Variants in GOLGA3 observed in about 807,000 individuals in gnomAD.
The protein encoded by GOLGA3 is golgin A3.
Under a neutral mutation model 169.4 loss-of-function variants are expected in GOLGA3, and 75 were observed. The ratio of observed to expected loss-of-function variants is 0.44; its 90% CI spans 0.37 to 0.54. The LOEUF (loss-of-function observed/expected upper bound fraction) is 0.54, where lower values mean the gene tolerates loss of function less well. Among genes scored for constraint, GOLGA3 ranks in the 20% least tolerant of loss-of-function variants. The probability of loss-of-function intolerance (pLI) is 0.00; values close to 1 mark genes in which losing one functional copy is unlikely to be tolerated. For synonymous variants in GOLGA3, 824 were observed against 822.4 expected, an observed-to-expected ratio of 1.00 and a Z score of -0.03; for missense variants, 1,899 against 1,930.0, an observed-to-expected ratio of 0.98 and a Z score of 0.30.
rs35522715 is a variant in GOLGA3, at chr12:132,777,388, AC to A, written c.3722+277del. Among the ~76,000 whole-genome samples, 55,632 of 151,730 alleles carry A rather than the reference AC, an allele frequency of 0.37. 10,993 individuals are homozygous for A. Among genetic ancestry groups the A allele is most frequent in the South Asian group, 0.59 (2,821 of 4,772 alleles). ...CACAGTGCATGGGACCCACAGAGCC[AC>A]AGCATCAGCCCCGCGCCGGGCCGCC... On this transcript the variant is annotated intron_variant, in intron 19 of 23. Transcript: ENST00000450791. This position sits in a 1 kb window ranked among gnomAD's most constrained non-coding sequence, Gnocchi z 4.7.
chr12:132,789,654 C>G (rs1401164231), intron 12 of GOLGA3, among the ~76,000 whole-genome samples: 2 of 100,824 alleles, frequency 2.0e-5, no homozygotes, highest in African/African-American at 6.5e-5. Context: ...CTCACGACAC[C>G]GCTTCAGGGG....
intron 5 of GOLGA3, among the ~76,000 whole-genome samples, chr12:132,807,552 G>A (rs1294009060): frequency 1.3e-5 from 2 of 152,174 alleles, no homozygotes; most frequent in African/African-American, 2.4e-5. Flanking sequence ...TATGTAAACG[G>A]GAGACTGGAT....
rs1300621638 is a variant in GOLGA3, at chr12:132,784,219, A to G, written c.3212T>C (p.Leu1071Pro). ...GGACTCCTCCAGCTCCTGGCTGGTC[A>G]GCGCTATGACCTCCTGCAGTTCCTT... ...LEKELQEVIA[L>P]TSQELEESRE... Residue 1071 changes from leucine to proline, a missense_variant, in exon 16 of 24, where the codon CTG becomes CCG. Physicochemically the swap from Leu to Pro is moderately conservative, Grantham distance 98. Coordinates refer to ENST00000450791, the MANE Select transcript of GOLGA3 (RefSeq NM_001389683.1). 1.2e-6 allele frequency: 2 copies of G among 1,610,554 alleles called. No homozygotes were observed. Among genetic ancestry groups the G allele is most frequent in the Non-Finnish European group, 1.7e-6 (2 of 1,179,674 alleles).
Position 132,795,880 on chromosome 12 carries a change from C to G in GOLGA3, c.2441G>C (p.Arg814Thr), listed in dbSNP as rs772453031. The stretch of plus-strand genomic sequence containing the variant: ...GCCGGATTTGATAGCTAATTCTTCT[C>G]TTAACTTCTCTAAAGTTTCCGACGT... Reference protein sequence around the residue: ...EETSETLEKLREELAIKSGQV... With the variant: ...EETSETLEKLTEELAIKSGQV... Residue 814 changes from arginine to threonine, a missense_variant, in exon 11 of 24, where the codon AGA becomes ACA. Physicochemically the swap from Arg to Thr is moderately conservative, Grantham distance 71. Transcript: ENST00000450791. 3.7e-6 allele frequency: 6 copies of G among 1,613,896 alleles called. No homozygotes were observed. The highest frequency in any genetic ancestry group is 1.1e-5 in the South Asian group (1 of 91,078).
intron 18 of GOLGA3, among the ~76,000 whole-genome samples, chr12:132,778,549 C>A (rs538722190): frequency 6.7e-6 from 1 of 149,366 alleles, no homozygotes; most frequent in African/African-American, 2.5e-5. Context: ...CCGGCCTGGG[C>A]GACAGAGCGA....
At chr12:132,798,561 T>C in intron 8 of GOLGA3, 84 bp from the exon 9 acceptor site, 1 of 1,249,820 alleles carries the variant, frequency 8.0e-7, no homozygotes, top group Non-Finnish European at 1.1e-6. Flanking sequence ...GGCCCCAGGG[T>C]GAGGGTCACT....
intron 9 of GOLGA3, among the ~76,000 whole-genome samples, chr12:132,797,057 C>T (rs536940168): frequency 6.6e-6 from 1 of 152,358 alleles, no homozygotes; most frequent in Admixed American, 6.5e-5. Context: ...AGACCAGAGG[C>T]CCCCGCAGTG....
chr12:132,819,896 G>A (rs1950139259), intron 2 of GOLGA3, among the ~76,000 whole-genome samples: 1 of 151,790 alleles, frequency 6.6e-6, no homozygotes, highest in Non-Finnish European at 1.5e-5. Context: ...AATGAGCCAG[G>A]CAACAGGGCG....
chr12:132,786,873 AAAG>A (rs2045932063), intron 13 of GOLGA3, 86 bp from the exon 14 acceptor site: 4 of 925,244 alleles, frequency 4.3e-6, no homozygotes, highest in Non-Finnish European at 5.3e-6. Flanking sequence ...CACCCCCACC[AAAG>A]GCACTGCTCA....
At chr12:132,801,554 C>T (rs1314701872) in intron 8 of GOLGA3, among the ~76,000 whole-genome samples, 2 of 152,110 alleles carry the variant, frequency 1.3e-5, no homozygotes, top group South Asian at 4.2e-4. Context: ...CAGAGGCTGC[C>T]GTGGGACTCC....
At chr12:132,773,851 T>C (rs1357140175) in intron 23 of GOLGA3, among the ~76,000 whole-genome samples, 1 of 108,944 alleles carries the variant, frequency 9.2e-6, no homozygotes, top group Non-Finnish European at 1.7e-5. Flanking sequence ...TCCCCCTTTA[T>C]ATAAACCGCA....
chr12:132,810,733 G>C (rs1023215717), intron 4 of GOLGA3, among the ~76,000 whole-genome samples: 1 of 152,186 alleles, frequency 6.6e-6, no homozygotes, highest in Non-Finnish European at 1.5e-5. Flanking sequence ...GGTAGCATCA[G>C]TGTCAAGGAA....
chr12:132,807,163 C>T lies in GOLGA3; in HGVS notation c.1290+14G>A, dbSNP rs750513902. ...CTTCGCCGCACGCTGAGATGTCAGT[C>T]GAACGTCCGTTACCTGACTCGCCTC... On this transcript the variant is annotated intron_variant, in intron 6 of 23. Transcript: ENST00000450791. The T allele has an allele frequency of 8.5e-6, 13 of 1,528,670 alleles. No individual in the cohort carries two copies. The highest frequency in any genetic ancestry group is 2.3e-5 in the South Asian group (2 of 85,976). 94.7% of individuals were successfully genotyped at this position (1,528,670 alleles called of 1,614,324 possible). A position where few individuals can be genotyped will look rare whatever the true frequency, so the allele number is the denominator to read the frequency against.
chr12:132,803,094 A>C (rs7295686), intron 7 of GOLGA3, among the ~76,000 whole-genome samples: 34,482 of 86,354 alleles, frequency 0.4, 4,357 homozygotes, highest in East Asian at 0.43. Context: ...AAAACAACAA[A>C]AAAAAACACT....
chr12:132,791,200 A>C lies in GOLGA3; in HGVS notation c.2547+16T>G, dbSNP rs1566094327. 1 of 1,493,990 alleles carries C rather than the reference A, an allele frequency of 6.7e-7. No homozygotes were observed. Among genetic ancestry groups the C allele is most frequent in the East Asian group, 2.3e-5 (1 of 44,302 alleles). The allele number at this position is 1,493,990 out of a possible 1,614,324, so 92.5% of individuals were successfully genotyped here. A position where few individuals can be genotyped will look rare whatever the true frequency, so the allele number is the denominator to read the frequency against. On this transcript the variant is annotated intron_variant, in intron 12 of 23. Transcript: ENST00000450791. ...TATGCTTGTTTCAAGTGAAGAAATCAACAACAGATTTTTACCTTTTGTTGG... is the reference window on the plus strand; with the variant it reads ...TATGCTTGTTTCAAGTGAAGAAATCCACAACAGATTTTTACCTTTTGTTGG...
chr12:132,810,681 C>T (rs1420717418), intron 4 of GOLGA3, among the ~76,000 whole-genome samples: 2 of 151,114 alleles, frequency 1.3e-5, no homozygotes, highest in Admixed American at 1.3e-4. Context: ...GTAACGCCAG[C>T]ATCTGGGAAG....
chr12:132,821,826 C>G (rs1950229961), intron 2 of GOLGA3, among the ~76,000 whole-genome samples, 170 bp downstream of exon 2: 1 of 137,184 alleles, frequency 7.3e-6, no homozygotes, highest in African/African-American at 2.6e-5. Context: ...TGCAGTCCAG[C>G]CTGGGCGAAA....
Position 132,777,900 on chromosome 12 carries a change from T to C in GOLGA3, c.3583-95A>G, listed in dbSNP as rs1345173890. 1.5e-6 allele frequency: 2 copies of C among 1,340,876 alleles called. No homozygotes were observed. The highest frequency in any genetic ancestry group is 2.8e-5 in the South Asian group (2 of 71,302). 83.1% of individuals were successfully genotyped at this position (1,340,876 alleles called of 1,614,324 possible). A position where few individuals can be genotyped will look rare whatever the true frequency, so the allele number is the denominator to read the frequency against. ...GGGGGTGAATGCACTCCCGGCCCCGTGCATGTCCTGGCTGCCGGCGTGTGC... is the reference window on the plus strand; with the variant it reads ...GGGGGTGAATGCACTCCCGGCCCCGCGCATGTCCTGGCTGCCGGCGTGTGC... On this transcript the variant is annotated intron_variant, in intron 18 of 23. Coordinates refer to ENST00000450791, the MANE Select transcript of GOLGA3 (RefSeq NM_001389683.1). The surrounding 1 kb of genome is among the most constrained non-coding windows in gnomAD (Gnocchi z 4.7).
intron 12 of GOLGA3, 60 bp from the exon 13 acceptor site, chr12:132,789,350 G>A: frequency 1.4e-6 from 2 of 1,441,376 alleles, no homozygotes; most frequent in South Asian, 1.4e-5. Flanking sequence ...GGCGTACCTG[G>A]GGGTCAAGCT....
Sources: allele counts gnomAD v4.1 joint callset (sites outside exome capture counted in the v4.1 genomes callset), GRCh38; gene constraint gnomAD v4.1.1; non-coding constraint Gnocchi (gnomAD v3.1); transcripts MANE v1.5; gene names NCBI Gene and HGNC (gene_info 2026-07-23, HGNC 2026-07-21).